Variants in FANCI observed in about 807,000 individuals in gnomAD.
FANCI encodes the protein FA complementation group I.
A neutral mutation model predicts 176.1 loss-of-function variants in FANCI; 156 were observed. The ratio of observed to expected loss-of-function variants is 0.89; its 90% CI spans 0.78 to 1.01. The LOEUF is 1.01. FANCI is among the 50% of genes least tolerant of loss of function. The pLI is 0.00. For synonymous variants in FANCI, 613 were observed against 541.7 expected, an observed-to-expected ratio of 1.13 and a Z score of -1.83; for missense variants, 1,678 against 1,534.1, an observed-to-expected ratio of 1.09 and a Z score of -1.57.
rs773847168 is a variant in FANCI at position 89,312,927 on chromosome 15, T to TA, written c.3676dup (p.Thr1226AsnfsTer27). ...AGAATAAGAGTAAGAGCCTGAACTATACGGGAGAGAAAAAGGAGAAACCTG... is the reference window on the plus strand; with the variant it reads ...AGAATAAGAGTAAGAGCCTGAACTATAACGGGAGAGAAAAAGGAGAAACCTG... On this transcript the variant is annotated frameshift_variant, in exon 35 of 38. Transcript: ENST00000310775. LOFTEE classifies it high-confidence loss of function. The TA allele has an allele frequency of 2.5e-6, 4 of 1,613,696 alleles. No individual in the cohort carries two copies. In the African/African-American group the frequency reaches 5.3e-5, roughly 22 times the overall value.
chr15:89,300,735 A>G (rs1016769211), intron 26 of FANCI, among the ~76,000 whole-genome samples: 3 of 152,240 alleles, frequency 2.0e-5, no homozygotes, highest in Non-Finnish European at 4.4e-5. Flanking sequence ...AACACTGGAC[A>G]ATAAAGTTTG....
chr15:89,289,738 A>C lies in FANCI; in HGVS notation c.1822-475A>C, dbSNP rs150079058. Among the ~76,000 whole-genome samples the C allele has an allele frequency of 8.7e-3, 1,308 of 149,986 alleles. 19 individuals carry two copies. The highest frequency in any genetic ancestry group is 0.03 in the African/African-American group (1,232 of 40,794). On this transcript the variant is annotated intron_variant, in intron 18 of 37. Coordinates refer to ENST00000310775, the MANE Select transcript of FANCI (RefSeq NM_001113378.2). ...CCAGGATTTTTTTTTTTTTTAAGAC[A>C]GAGTTTTGCTCTATTGCCCAGGCTG...
intron 17 of FANCI, 134 bp from the exon 18 acceptor site, chr15:89,284,962 A>C: frequency 1.1e-6 from 1 of 920,130 alleles, no homozygotes; most frequent in Admixed American, 1.7e-5. Flanking sequence ...TAATGATTAT[A>C]CTGTGTGTCT....
Position 89,299,835 on chromosome 15 carries a change from C to T in FANCI, c.2672C>T (p.Ser891Leu), listed in dbSNP as rs773239544. ...LLWRYTSIPT[S>L]VEESGKKEKG... ...TGGAGATACACTTCAATTCCTACTT[C>T]AGTGGAAGAGTCGGGAAAGAAAGAG... Residue 891 changes from serine to leucine, a missense_variant, in exon 25 of 38, where the codon TCA becomes TTA. By Grantham distance (145) the Ser-to-Leu change is moderately radical. This residue lies in a region of FANCI where 1,204 missense variants were observed against 1,077.4 expected (regional missense o/e 1.12). Coordinates refer to ENST00000310775, the MANE Select transcript of FANCI (RefSeq NM_001113378.2). 3.1e-6 allele frequency: 5 copies of T among 1,613,886 alleles called. No homozygotes were observed. The Admixed American group carries it at 8.3e-5, about 27-fold the overall frequency.
intron 24 of FANCI, among the ~76,000 whole-genome samples, chr15:89,296,169 T>G (rs1386562277): frequency 6.6e-6 from 1 of 152,190 alleles, no homozygotes; most frequent in Non-Finnish European, 1.5e-5. Context: ...TTCACCATGT[T>G]GGCCAGGCTG....
chr15:89,293,989 T>C lies in FANCI; in HGVS notation c.2448T>C (p.Ala816=), dbSNP rs1455664446. ...AATTTGTGTCCAGTCTTCTCACTGC[T>C]CTTTTCAGGTAAGGTTCTGCTAGAG... ...SMKFVSSLLT[A]LFRDSIQSHQ... is the part of the protein sequence containing the mutation. The change falls in exon 23 of 38, where the codon GCT becomes GCC. Residue 816 remains alanine (A), a synonymous_variant. Coordinates refer to ENST00000310775, the MANE Select transcript of FANCI (RefSeq NM_001113378.2). 1.2e-6 allele frequency: 2 copies of C among 1,614,048 alleles called. No individual in the cohort carries two copies. Among genetic ancestry groups the C allele is most frequent in the African/African-American group, 2.7e-5 (2 of 74,924 alleles).
chr15:89,305,496 T>G (rs2054683279), intron 30 of FANCI, 87 bp downstream of exon 30: 1 of 1,606,958 alleles, frequency 6.2e-7, no homozygotes, highest in Admixed American at 1.7e-5. Flanking sequence ...CTATAGCGGC[T>G]TGTGTCCTGA....
At chr15:89,285,370 T>C (rs950123857) in intron 18 of FANCI, 152 bp downstream of exon 18, 3 of 1,075,082 alleles carry the variant, frequency 2.8e-6, no homozygotes, top group Non-Finnish European at 4.0e-6. Flanking sequence ...AAAAGTTGTT[T>C]AAGGCAGGGC....
chr15:89,316,981 G>T lies in FANCI; in HGVS notation c.*522G>T. On this transcript the variant is annotated 3_prime_UTR_variant, in exon 38 of 38. Coordinates refer to ENST00000310775, the MANE Select transcript of FANCI (RefSeq NM_001113378.2). Reference sequence around the variant, plus strand: ...GTAATGTTACATGTTAGGAGGGTCTGTTTTCTTTTTATATAAGTGTGTCTT... The same window carrying T: ...GTAATGTTACATGTTAGGAGGGTCTTTTTTCTTTTTATATAAGTGTGTCTT... 1.5e-6 allele frequency: 1 copy of T among 674,414 alleles called. No homozygotes were observed. Among genetic ancestry groups the T allele is most frequent in the Non-Finnish European group, 2.7e-6 (1 of 372,294 alleles). 41.8% of individuals were successfully genotyped at this position (674,414 alleles called of 1,614,324 possible).
chr15:89,260,569 TA>T, intron 3 of FANCI, 143 bp from the exon 4 acceptor site: 1 of 1,054,612 alleles, frequency 9.5e-7, no homozygotes, highest in Non-Finnish European at 1.4e-6. Flanking sequence ...TCAAAGCCCT[TA>T]ACCATTGCTG....
intron 34 of FANCI, chr15:89,307,978 C>A: frequency 7.9e-7 from 1 of 1,272,666 alleles, no homozygotes; most frequent in Non-Finnish European, 1.0e-6. Flanking sequence ...AAAGTCCATG[C>A]CATGAGGCAT....
At chr15:89,274,017 T>TCATAGG (rs2053308507) in intron 11 of FANCI, 151 bp from the exon 12 acceptor site, 1 of 617,742 alleles carries the variant, frequency 1.6e-6, no homozygotes, top group African/African-American at 1.8e-5. Context: ...GGGATATATG[T>TCATAGG]GAATGGCAGC....
Position 89,255,023 on chromosome 15 carries a change from A to C in FANCI, c.85-3681A>C, listed in dbSNP as rs116539698. ...AACCTTATTCCAACTCTCCCCAGTA[A>C]TTATTTCACTAATGTTCTCTTTATG... On this transcript the variant is annotated intron_variant, in intron 2 of 37. Coordinates refer to ENST00000310775, the MANE Select transcript of FANCI (RefSeq NM_001113378.2). Among the ~76,000 whole-genome samples, 407 of 152,312 alleles carry C rather than the reference A, an allele frequency of 2.7e-3. 1 individual carries two copies. The highest frequency in any genetic ancestry group is 9.3e-3 in the African/African-American group (386 of 41,564).
In FANCI at chr15:89,276,892, G is replaced by A. The variant is rs768310043; in HGVS notation, c.1293+1G>A. The A allele has an allele frequency of 6.2e-7, 1 of 1,614,122 alleles. No individual in the cohort carries two copies. Among genetic ancestry groups the A allele is most frequent in the East Asian group, 2.2e-5 (1 of 44,866 alleles). On this transcript the variant is annotated splice_donor_variant, in intron 13 of 37. Coordinates refer to ENST00000310775, the MANE Select transcript of FANCI (RefSeq NM_001113378.2). LOFTEE classifies it high-confidence loss of function. ...TAATATCCTGTTGGAAACTTTTAAG[G>A]TGAGACACTATTTTGGCAACCACTC...
chr15:89,251,642 T>TA (rs1208804190), intron 2 of FANCI, among the ~76,000 whole-genome samples: 1 of 152,082 alleles, frequency 6.6e-6, no homozygotes, highest in Admixed American at 6.5e-5. Flanking sequence ...ACACCACATT[T>TA]AAAAAAAGTA....
chr15:89,294,640 A>AACC (rs2054185335), intron 23 of FANCI, among the ~76,000 whole-genome samples: 1 of 151,642 alleles, frequency 6.6e-6, no homozygotes, highest in Non-Finnish European at 1.5e-5. Flanking sequence ...GGGACAAAAA[A>AACC]AAACCTAAAA....
Position 89,305,155 on chromosome 15 carries a change from CA to C in FANCI, c.3100del (p.Ser1034AlafsTer27), listed in dbSNP as rs1442162801. The C allele has an allele frequency of 6.2e-7, 1 of 1,614,216 alleles. No individual in the cohort carries two copies. The highest frequency in any genetic ancestry group is 2.2e-5 in the East Asian group (1 of 44,890). On this transcript the variant is annotated frameshift_variant, in exon 29 of 38. Transcript: ENST00000310775. LOFTEE classifies it high-confidence loss of function. ...FCKSLMNLLF[S>X]LHVSYKSPVI... is the part of the protein sequence containing the mutation. ...GCAAGAGCTTGATGAACTTGCTCTT[CA>C]GCCTGCATGTTTCGTATAAGAGTCC... is the stretch of plus-strand genomic sequence containing the variant.
chr15:89,288,007 C>T (rs1280922758), intron 18 of FANCI, among the ~76,000 whole-genome samples: 1 of 152,174 alleles, frequency 6.6e-6, no homozygotes, highest in African/African-American at 2.4e-5. Flanking sequence ...CAGAGACATG[C>T]AGTGAGCACA....
At chr15:89,260,106 A>G (rs959574419) in intron 3 of FANCI, among the ~76,000 whole-genome samples, 5 of 152,202 alleles carry the variant, frequency 3.3e-5, no homozygotes, top group Admixed American at 3.3e-4. Context: ...CATCCTCATC[A>G]ACACTTGTTA....
Sources: allele counts gnomAD v4.1 joint callset (sites outside exome capture counted in the v4.1 genomes callset), GRCh38; gene constraint gnomAD v4.1.1; regional missense constraint gnomAD v4.1.1; transcripts MANE v1.5; gene names NCBI Gene and HGNC (gene_info 2026-07-23, HGNC 2026-07-21).